Variants in CSMD1 observed in about 807,000 individuals in gnomAD.
CSMD1 encodes CUB and Sushi multiple domains 1, also known as CUB and sushi domain-containing protein 1.
In CSMD1, 213 loss-of-function variants were observed where a neutral mutation model predicts 417.5. That is an observed-to-expected ratio of 0.51 (90% confidence interval 0.46 to 0.57). CSMD1 has a LOEUF of 0.57. Ranked by LOEUF, CSMD1 falls within the 20% of genes least tolerant of loss-of-function variation. The pLI is 0.00. For missense variants in CSMD1, 6,923 were observed against 4,529.7 expected, an observed-to-expected ratio of 1.53 and a Z score of -15.17; for synonymous variants, 2,862 against 1,736.8, an observed-to-expected ratio of 1.65 and a Z score of -16.11.
At position 3,313,020 on chromosome 8, in the gene CSMD1, T is replaced by C. The variant is rs572721759; in HGVS notation, c.3632-4517A>G. On this transcript the variant is annotated intron_variant, in intron 23 of 69. Coordinates refer to ENST00000635120, the MANE Select transcript of CSMD1 (RefSeq NM_033225.6). Reference sequence around the variant, plus strand: ...TGTTTTTGAATATTGGTAAAATAAGTTGATGTGTAATAGGAGAATTCTGAA... The same window carrying C: ...TGTTTTTGAATATTGGTAAAATAAGCTGATGTGTAATAGGAGAATTCTGAA... Among the ~76,000 whole-genome samples, 73 of 152,278 alleles carry C rather than the reference T, an allele frequency of 4.8e-4. 3 individuals carry two copies. In the South Asian group the frequency reaches 0.015, roughly 30 times the overall value.
At chr8:4,967,839 T>A (rs577565287) in intron 1 of CSMD1, among the ~76,000 whole-genome samples, 2 of 152,142 alleles carry the variant, frequency 1.3e-5, no homozygotes, top group East Asian at 3.9e-4. Context: ...GTTGTAACAG[T>A]TGAGATGACA....
intron 10 of CSMD1, among the ~76,000 whole-genome samples, chr8:3,559,386 T>C (rs779361252): frequency 3.3e-5 from 5 of 152,148 alleles, no homozygotes; most frequent in Non-Finnish European, 5.9e-5. Flanking sequence ...AAATACTAAG[T>C]AGCCAAAACA....
rs558056361 is a variant in CSMD1, at chr8:4,323,872, A to G, written c.415+96081T>C. The stretch of plus-strand genomic sequence containing the variant: ...GAGAGTTTAGCTTAAGGCAACTTCT[A>G]TGAAGAAACTCCACATTTTGAGTCT... On this transcript the variant is annotated intron_variant, in intron 3 of 69. Coordinates refer to ENST00000635120, the MANE Select transcript of CSMD1 (RefSeq NM_033225.6). 3.3e-5 allele frequency among the ~76,000 whole-genome samples: 5 copies of G among 152,244 alleles called. No individual in the cohort carries two copies. In the South Asian group the frequency reaches 8.3e-4, roughly 25 times the overall value.
rs557260114 is a variant in CSMD1, at chr8:4,459,296, C to A, written c.303-39231G>T. ...TTCCTGTCACTTGTGCACCAGATGG[C>A]ATATAAGGTGAAGGTTCTATGCCAC... On this transcript the variant is annotated intron_variant, in intron 2 of 69. Coordinates refer to ENST00000635120, the MANE Select transcript of CSMD1 (RefSeq NM_033225.6). 9.3e-4 allele frequency among the ~76,000 whole-genome samples: 141 copies of A among 152,288 alleles called. 1 individual carries two copies. The highest frequency in any genetic ancestry group is 6.0e-4 in the Non-Finnish European group (41 of 68,032).
rs148521927 is a variant in CSMD1, at chr8:4,246,578, C to A, written c.415+173375G>T. 6.0e-3 allele frequency among the ~76,000 whole-genome samples: 907 copies of A among 152,214 alleles called. 7 individuals carry two copies. The highest frequency in any genetic ancestry group is 0.021 in the African/African-American group (862 of 41,526). On this transcript the variant is annotated intron_variant, in intron 3 of 69. Coordinates refer to ENST00000635120, the MANE Select transcript of CSMD1 (RefSeq NM_033225.6). ...GGGTTTTCTTTAAAATAATTATTTG[C>A]AATTCTCCTGTAGAATTTGATATGA... is the stretch of plus-strand genomic sequence containing the variant.
intron 2 of CSMD1, among the ~76,000 whole-genome samples, chr8:4,604,172 G>C (rs568093700): frequency 3.9e-5 from 6 of 151,914 alleles, no homozygotes; most frequent in African/African-American, 1.2e-4. Context: ...CTATTCCAAA[G>C]TCCTCACATA....
intron 3 of CSMD1, among the ~76,000 whole-genome samples, chr8:4,150,301 C>G (rs965083231): frequency 4.6e-5 from 7 of 152,180 alleles, no homozygotes; most frequent in Admixed American, 4.6e-4. Flanking sequence ...GCTTCCTCAG[C>G]TCCCTGTTAG....
chr8:3,521,511 A>G (rs1201382206), intron 10 of CSMD1, among the ~76,000 whole-genome samples: 1 of 152,094 alleles, frequency 6.6e-6, no homozygotes, highest in Admixed American at 6.5e-5. Context: ...CCTGTATTAC[A>G]ATGATCTGCC....
chr8:4,128,246 G>A (rs912963212), intron 3 of CSMD1, among the ~76,000 whole-genome samples: 1 of 152,080 alleles, frequency 6.6e-6, no homozygotes, highest in African/African-American at 2.4e-5. Context: ...ATGGCTGACA[G>A]GTGCAATCCC....
At chr8:3,815,472 A>G (rs1801318687) in intron 5 of CSMD1, among the ~76,000 whole-genome samples, 1 of 152,182 alleles carries the variant, frequency 6.6e-6, no homozygotes, top group Non-Finnish European at 1.5e-5. Context: ...GTTTCTGTGT[A>G]AATATAAAAG....
intron 5 of CSMD1, among the ~76,000 whole-genome samples, chr8:3,955,857 T>C (rs1287677591): frequency 6.6e-6 from 1 of 152,140 alleles, no homozygotes. Flanking sequence ...GAGATCTCTG[T>C]TCCCCCAGGC....
At chr8:3,177,167 A>C (rs1419249307) in intron 37 of CSMD1, among the ~76,000 whole-genome samples, 2 of 152,202 alleles carry the variant, frequency 1.3e-5, no homozygotes, top group Non-Finnish European at 2.9e-5. Context: ...AAAGGCGACC[A>C]GAAAAGAATC....
chr8:4,334,240 A>C (rs575750816), intron 3 of CSMD1, among the ~76,000 whole-genome samples: 2 of 152,172 alleles, frequency 1.3e-5, no homozygotes, highest in South Asian at 4.2e-4. Context: ...CAATAACTTA[A>C]TGTGTATGAT....
chr8:3,035,021 C>T (rs1369759732), intron 50 of CSMD1, among the ~76,000 whole-genome samples: 2 of 151,464 alleles, frequency 1.3e-5, no homozygotes, highest in African/African-American at 4.8e-5. Context: ...TTGCAGTAAA[C>T]ATGCACGCCT....
chr8:3,739,466 G>C (rs1365326087), intron 6 of CSMD1, among the ~76,000 whole-genome samples: 4 of 152,012 alleles, frequency 2.6e-5, no homozygotes, highest in African/African-American at 7.2e-5. Flanking sequence ...AATTACTCTG[G>C]TTTGATCACT....
At chr8:3,429,171 T>C (rs1048981386) in intron 12 of CSMD1, among the ~76,000 whole-genome samples, 1 of 152,140 alleles carries the variant, frequency 6.6e-6, no homozygotes, top group African/African-American at 2.4e-5. Flanking sequence ...TCAAAATAGC[T>C]AGAAGAGAGG....
chr8:4,070,611 C>A (rs1022511042), intron 3 of CSMD1, among the ~76,000 whole-genome samples: 1 of 152,148 alleles, frequency 6.6e-6, no homozygotes, highest in Non-Finnish European at 1.5e-5. Context: ...CCCACCTCGG[C>A]CTCCCAAAGT....
At chr8:3,523,015 C>CA (rs1563119017) in intron 10 of CSMD1, among the ~76,000 whole-genome samples, 4,706 of 141,844 alleles carry the variant, frequency 0.033, 162 homozygotes, top group Admixed American at 0.11. Context: ...ATACACACAC[C>CA]CACACACACA....
intron 49 of CSMD1, among the ~76,000 whole-genome samples, chr8:3,081,249 G>T (rs181625174): frequency 8.8e-4 from 134 of 152,262 alleles, no homozygotes; most frequent in African/African-American, 2.7e-3. Flanking sequence ...TATTCTTCTA[G>T]ATATTTTTGT....
Sources: allele counts gnomAD v4.1 joint callset (sites outside exome capture counted in the v4.1 genomes callset), GRCh38; gene constraint gnomAD v4.1.1; transcripts MANE v1.5; gene names NCBI Gene and HGNC (gene_info 2026-07-23, HGNC 2026-07-21).